Variants in STPG2 observed in about 807,000 individuals in gnomAD.
STPG2 encodes the protein sperm tail PG-rich repeat containing 2.
Under a neutral mutation model 54.2 loss-of-function variants are expected in STPG2, and 56 were observed. The observed-to-expected ratio is 1.03, with a 90% CI of 0.83 to 1.29. STPG2 has a LOEUF of 1.29. Ranked by LOEUF, STPG2 falls within the 50% of genes most tolerant of loss-of-function variation. The pLI is 0.00. For synonymous variants in STPG2, 200 were observed against 181.8 expected, an observed-to-expected ratio of 1.10 and a Z score of -0.81; for missense variants, 596 against 544.9, an observed-to-expected ratio of 1.09 and a Z score of -0.93.
chr4:98,116,817 T>C (rs545391109), intron 3 of STPG2, among the ~76,000 whole-genome samples: 1 of 152,026 alleles, frequency 6.6e-6, no homozygotes, highest in African/African-American at 2.4e-5. Flanking sequence ...AACATGTAAC[T>C]TATATTATCC....
At chr4:97,932,606 A>G (rs1732592687) in intron 8 of STPG2, among the ~76,000 whole-genome samples, 1 of 152,162 alleles carries the variant, frequency 6.6e-6, no homozygotes, top group Non-Finnish European at 1.5e-5. Context: ...TATGAGTGAG[A>G]ACATGCAGTG....
rs1282601476 is a variant in STPG2, at chr4:98,128,505, CATT to C, written c.307_309del (p.Asn103del). 1.2e-6 allele frequency: 2 copies of C among 1,613,708 alleles called. No homozygotes were observed. The highest frequency in any genetic ancestry group is 3.3e-5 in the Admixed American group (2 of 60,000). ...AAACATTTTATAATACTGCCATCAT[CATT>C]AATATGATAACCATATGACTTTCCA... On this transcript the variant is annotated inframe_deletion, in exon 3 of 11. Coordinates refer to ENST00000295268, the MANE Select transcript of STPG2 (RefSeq NM_174952.3).
intron 5 of STPG2, among the ~76,000 whole-genome samples, chr4:98,095,628 T>C (rs1297631273): frequency 2.0e-5 from 3 of 152,142 alleles, no homozygotes; most frequent in Non-Finnish European, 2.9e-5. Flanking sequence ...AAAATGATTA[T>C]AAATACAAAT....
downstream of STPG2, among the ~76,000 whole-genome samples, chr4:97,554,331 G>C (rs2148869547): frequency 6.6e-6 from 1 of 152,220 alleles, no homozygotes; most frequent in East Asian, 1.9e-4. Flanking sequence ...GCCCAAACCT[G>C]ACAAGAAAGA....
intron 6 of STPG2, among the ~76,000 whole-genome samples, chr4:97,978,475 C>T (rs1346546489): frequency 6.6e-6 from 1 of 152,032 alleles, no homozygotes; most frequent in African/African-American, 2.4e-5. Flanking sequence ...CAAATGGACA[C>T]ATAGAGAGGA....
intron 8 of STPG2, among the ~76,000 whole-genome samples, chr4:97,907,132 C>A (rs1731462967): frequency 6.6e-6 from 1 of 151,984 alleles, no homozygotes; most frequent in African/African-American, 2.4e-5. Context: ...TATCTCAGCC[C>A]AAAATCTCCT....
At chr4:97,945,424 T>A (rs909802962) in intron 7 of STPG2, among the ~76,000 whole-genome samples, 2 of 152,180 alleles carry the variant, frequency 1.3e-5, no homozygotes, top group Non-Finnish European at 2.9e-5. Context: ...TATTCCATGG[T>A]GTATATATAC....
chr4:97,638,784 A>G (rs1721655661), intron 10 of STPG2, among the ~76,000 whole-genome samples: 1 of 148,180 alleles, frequency 6.7e-6, no homozygotes, highest in African/African-American at 2.6e-5. Context: ...GCAAATCAAA[A>G]CCACAATGAG....
intron 9 of STPG2, among the ~76,000 whole-genome samples, chr4:97,795,080 T>A (rs1727122328): frequency 6.6e-6 from 1 of 152,228 alleles, no homozygotes; most frequent in African/African-American, 2.4e-5. Context: ...TTTTGTCATT[T>A]AGTTAATGAC....
rs1163364960 is a variant in STPG2 at position 98,081,694 on chromosome 4, G to GC, written c.612+24258dup. Reference sequence around the variant, plus strand: ...GTCATGGCTCCCCATATCTTTGCCAGCAGGGCAAGATTCTCTGTCTTAAAA... The same window carrying GC: ...GTCATGGCTCCCCATATCTTTGCCAGCCAGGGCAAGATTCTCTGTCTTAAAA... On this transcript the variant is annotated intron_variant, in intron 5 of 10. Coordinates refer to ENST00000295268, the MANE Select transcript of STPG2 (RefSeq NM_174952.3). Among the ~76,000 whole-genome samples the GC allele has an allele frequency of 3.3e-5, 5 of 152,272 alleles. No individual in the cohort carries two copies. In the East Asian group the frequency reaches 9.7e-4, roughly 29 times the overall value.
intron 10 of STPG2, among the ~76,000 whole-genome samples, chr4:97,646,731 T>C (rs1721923028): frequency 6.6e-6 from 1 of 152,152 alleles, no homozygotes; most frequent in African/African-American, 2.4e-5. Context: ...TAGTAAGTGA[T>C]ATACATTATA....
intron 9 of STPG2, among the ~76,000 whole-genome samples, chr4:97,802,990 A>G (rs953699890): frequency 2.6e-5 from 4 of 152,068 alleles, no homozygotes; most frequent in Non-Finnish European, 4.4e-5. Flanking sequence ...TCAACTAACA[A>G]TCTGACTCAC....
chr4:98,129,976 G>A (rs755872056), intron 2 of STPG2, among the ~76,000 whole-genome samples: 3 of 151,798 alleles, frequency 2.0e-5, no homozygotes, highest in Non-Finnish European at 4.4e-5. Context: ...TCCTGCCTCA[G>A]TCTCCCAAGT....
At chr4:97,521,976 T>A (rs1731189252) in intron 4 of STPG2, among the ~76,000 whole-genome samples, 1 of 151,860 alleles carries the variant, frequency 6.6e-6, no homozygotes, top group South Asian at 2.1e-4. Context: ...TTATTAAAAA[T>A]ATTAGTGGTA....
chr4:97,455,415 G>C (rs1347570566), intron 4 of STPG2, among the ~76,000 whole-genome samples: 1 of 151,992 alleles, frequency 6.6e-6, no homozygotes, highest in East Asian at 1.9e-4. Context: ...GACACAAGCG[G>C]CTGGATGTCA....
At chr4:97,636,517 C>A (rs1721537499) in intron 10 of STPG2, among the ~76,000 whole-genome samples, 2 of 147,574 alleles carry the variant, frequency 1.4e-5, no homozygotes, top group South Asian at 2.1e-4. Flanking sequence ...GAAATAGAGA[C>A]ACAAAAAACC....
chr4:98,113,260 A>G (rs571182775), intron 3 of STPG2, among the ~76,000 whole-genome samples: 3 of 152,186 alleles, frequency 2.0e-5, no homozygotes, highest in South Asian at 4.1e-4. Context: ...GCTGTACTCA[A>G]TGGAAAGAGA....
chr4:98,049,797 AAG>A (rs1400754200), intron 5 of STPG2, among the ~76,000 whole-genome samples: 1 of 152,192 alleles, frequency 6.6e-6, no homozygotes, highest in African/African-American at 2.4e-5. Context: ...CAATATTACA[AAG>A]AGAGAGAAAA....
At chr4:97,883,405 AAAAT>A (rs951887917) in intron 8 of STPG2, among the ~76,000 whole-genome samples, 19 of 151,494 alleles carry the variant, frequency 1.3e-4, no homozygotes, top group Admixed American at 6.6e-4. Flanking sequence ...TAAGAAAAAA[AAAAT>A]AGAGAGAGAG....
Sources: allele counts gnomAD v4.1 joint callset (sites outside exome capture counted in the v4.1 genomes callset), GRCh38; gene constraint gnomAD v4.1.1; transcripts MANE v1.5; gene names NCBI Gene and HGNC (gene_info 2026-07-23, HGNC 2026-07-21).